The following DOK7 variants were observed in gnomAD, a reference collection of about 807,000 sequenced individuals.
DOK7 encodes the protein docking protein 7, also known as protein Dok-7.
Under a neutral mutation model 30.7 loss-of-function variants are expected in DOK7, and 32 were observed. The ratio of observed to expected loss-of-function variants is 1.04; its 90% CI spans 0.79 to 1.40. The LOEUF is 1.40. DOK7 is among the 40% of genes most tolerant of loss of function. The pLI is 0.00. For synonymous variants in DOK7, 447 were observed against 324.1 expected (o/e 1.38, Z -4.07); for missense variants, 1,007 against 699.2 (o/e 1.44, Z -4.97).
chr4:3,468,327 CGAGT>C (rs1407621109), intron 2 of DOK7, among the ~76,000 whole-genome samples: 21 of 136,558 alleles, frequency 1.5e-4, no homozygotes, highest in African/African-American at 5.8e-4. Flanking sequence ...CCTGTGTGTG[CGAGT>C]GTGTGTGAGC....
chr4:3,468,625 CGT>C (rs1412150317), intron 2 of DOK7, among the ~76,000 whole-genome samples: 79 of 137,442 alleles, frequency 5.7e-4, no homozygotes, highest in East Asian at 2.0e-3. Context: ...TTTGTGTGTG[CGT>C]GTGTATATGC....
intron 4 of DOK7, chr4:3,484,950 A>G (rs769793983): frequency 1.1e-5 from 10 of 901,438 alleles, no homozygotes; most frequent in Non-Finnish European, 1.3e-5. Context: ...CCCCAGCTCC[A>G]GGTGGCACAG....
chr4:3,479,445 G>C lies in DOK7; in HGVS notation c.532+2903G>C, dbSNP rs73080936. On this transcript the variant is annotated intron_variant, in intron 4 of 6. Coordinates refer to ENST00000340083, the MANE Select transcript of DOK7 (RefSeq NM_173660.5). ...ATATCCAGAATCTGAATCCCAATAA[G>C]TCTGTGGGTGTCGTCACATTCAGTC... Among the ~76,000 whole-genome samples, 1,267 of 152,368 alleles carry C rather than the reference G, an allele frequency of 8.3e-3. 20 individuals are homozygous for C. The highest frequency in any genetic ancestry group is 0.029 in the African/African-American group (1,194 of 41,588).
intron 2 of DOK7, among the ~76,000 whole-genome samples, chr4:3,467,898 G>A (rs1223861404): frequency 1.3e-5 from 2 of 152,288 alleles, no homozygotes; most frequent in South Asian, 4.1e-4. Flanking sequence ...GGGGGAGGAA[G>A]CGCCCTGGGG....
intron 4 of DOK7, among the ~76,000 whole-genome samples, chr4:3,482,087 A>G (rs73793939): frequency 0.089 from 13,595 of 151,974 alleles, 996 homozygotes; most frequent in African/African-American, 0.2. Context: ...ATCCCCCACA[A>G]CAGGGCTCCT....
At chr4:3,467,386 A>G (rs1427005476) in intron 2 of DOK7, among the ~76,000 whole-genome samples, 2 of 150,924 alleles carry the variant, frequency 1.3e-5, no homozygotes, top group East Asian at 2.0e-4. Flanking sequence ...CCTGCGTCCA[A>G]CTGCCTGTGT....
At chr4:3,479,728 A>G (rs1346395250) in intron 4 of DOK7, among the ~76,000 whole-genome samples, 1 of 152,092 alleles carries the variant, frequency 6.6e-6, no homozygotes, top group Non-Finnish European at 1.5e-5. Flanking sequence ...GGTCGGGTGG[A>G]GACAGGCCTG....
chr4:3,492,187 T>G (rs370820203), intron 6 of DOK7, among the ~76,000 whole-genome samples: 1 of 152,054 alleles, frequency 6.6e-6, no homozygotes, highest in East Asian at 1.9e-4. Context: ...GGGATCTGCA[T>G]TGGGTGTGCT....
Position 3,489,758 on chromosome 4 carries a change from T to C in DOK7, c.734T>C (p.Leu245Pro), listed in dbSNP as rs1470838552. Reference protein sequence around the residue: ...ALETLQLEKRLSLLSHAGRPG... With the variant: ...ALETLQLEKRPSLLSHAGRPG... ...GAAACCCTACAGCTGGAGAAGCGGC[T>C]GAGCCTCCTCTCACATGCGGGCAGG... The change falls in exon 6 of 7, where the codon CTG becomes CCG. Residue 245 changes from leucine to proline, a missense_variant. By Grantham distance (98) the Leu-to-Pro change is moderately conservative (BLOSUM62 -3). Transcript: ENST00000340083. The C allele has an allele frequency of 6.4e-7, 1 of 1,572,372 alleles. No individual in the cohort carries two copies. Among genetic ancestry groups the C allele is most frequent in the East Asian group, 2.3e-5 (1 of 42,708 alleles).
At chr4:3,473,778 C>A in intron 3 of DOK7, 142 bp downstream of exon 3, 1 of 844,292 alleles carries the variant, frequency 1.2e-6, no homozygotes, top group Non-Finnish European at 1.8e-6. Context: ...TTAGGGTGGA[C>A]TGAGCTCCAG....
At chr4:3,486,733 C>G (rs1440479810) in intron 5 of DOK7, among the ~76,000 whole-genome samples, 1 of 101,172 alleles carries the variant, frequency 9.9e-6, no homozygotes, top group African/African-American at 4.0e-5. Context: ...GTGGATGCAC[C>G]CCTGCAGGTG....
At chr4:3,481,928 G>A (rs1372569064) in intron 4 of DOK7, among the ~76,000 whole-genome samples, 1 of 152,112 alleles carries the variant, frequency 6.6e-6, no homozygotes, top group Non-Finnish European at 1.5e-5. Context: ...ACGTGGGTGA[G>A]GTTTGCCTGC....
downstream of DOK7, chr4:3,496,687 C>T (rs1283718963): frequency 9.8e-6 from 9 of 919,724 alleles, no homozygotes; most frequent in Non-Finnish European, 1.4e-5. Context: ...GCGGGCTGGA[C>T]TCCCTGCAGG....
At chr4:3,491,959 G>A (rs772126755) in intron 6 of DOK7, among the ~76,000 whole-genome samples, 1 of 152,240 alleles carries the variant, frequency 6.6e-6, no homozygotes, top group Non-Finnish European at 1.5e-5. Context: ...TCCCCCAGAG[G>A]GCACCAAGCA....
chr4:3,467,175 G>A (rs114780141), intron 2 of DOK7, among the ~76,000 whole-genome samples: 4,106 of 143,430 alleles, frequency 0.029, 72 homozygotes, highest in Middle Eastern at 0.065. Flanking sequence ...ATCGTGTTCA[G>A]TGTGGGCGGG....
chr4:3,498,020 G>T (rs1729006886), downstream of DOK7, among the ~76,000 whole-genome samples: 1 of 152,334 alleles, frequency 6.6e-6, no homozygotes, highest in Middle Eastern at 3.4e-3. Context: ...GCTGGAGGAT[G>T]TGAATCTTTT....
In DOK7 at chr4:3,493,698, G is replaced by A. The variant is rs1728707667; in HGVS notation, c.*197G>A. 3 of 1,437,290 alleles carry A rather than the reference G, an allele frequency of 2.1e-6. No individual in the cohort carries two copies. Among genetic ancestry groups the A allele is most frequent in the East Asian group, 5.0e-5 (2 of 39,678 alleles). 89.0% of individuals were successfully genotyped at this position (1,437,290 alleles called of 1,614,324 possible). On this transcript the variant is annotated 3_prime_UTR_variant, in exon 7 of 7. Transcript: ENST00000340083. Reference sequence around the variant, plus strand: ...GGGCTGACTTGGGGAGGTGAGTTCTGGAAGGCAGGGGCTCTGGGTCCGGCA... The same window carrying A: ...GGGCTGACTTGGGGAGGTGAGTTCTAGAAGGCAGGGGCTCTGGGTCCGGCA...
At chr4:3,500,834 C>A (rs765699526) in exon 8 of DOK7, 2 of 1,525,402 alleles carry the variant, frequency 1.3e-6, no homozygotes, top group Non-Finnish European at 1.8e-6. Flanking sequence ...GAGGTCACAG[C>A]GCCAGGAGCT....
At chr4:3,491,091 T>G (rs1728368788) in intron 6 of DOK7, among the ~76,000 whole-genome samples, 1 of 114,612 alleles carries the variant, frequency 8.7e-6, no homozygotes, top group African/African-American at 3.4e-5. Flanking sequence ...CCACTCCTGC[T>G]CATTAATTCC....
Sources: gnomAD v4.1 joint callset for allele counts (sites outside exome capture counted in the v4.1 genomes callset) on GRCh38, gnomAD v4.1.1 for gene constraint, MANE v1.5 for transcripts, NCBI Gene and HGNC (gene_info 2026-07-23, HGNC 2026-07-21) for gene names.